GALNTL6: variants seen among roughly 807,000 people sequenced by gnomAD.
GALNTL6 encodes the protein polypeptide N-acetylgalactosaminyltransferase like 6, also known as polypeptide N-acetylgalactosaminyltransferase-like 6.
Under a neutral mutation model 73.7 loss-of-function variants are expected in GALNTL6, and 46 were observed. That is an observed-to-expected ratio of 0.62 (90% CI 0.49 to 0.80). GALNTL6 has a LOEUF of 0.80. GALNTL6 is among the 30% of genes least tolerant of loss of function. The probability of loss-of-function intolerance (pLI) is 0.00; values close to 1 mark genes in which losing one functional copy is unlikely to be tolerated. For synonymous variants in GALNTL6, 259 were observed against 263.7 expected (o/e 0.98, Z 0.17); for missense variants, 604 against 755.0 (o/e 0.80, Z 2.34).
intron 10 of GALNTL6, among the ~76,000 whole-genome samples, chr4:172,959,812 G>A (rs1749947503): frequency 6.6e-6 from 1 of 152,206 alleles, no homozygotes; most frequent in Admixed American, 6.5e-5. Context: ...TGGCCCAGTG[G>A]CCAGATATCC....
At chr4:172,355,412 A>C (rs1742115548) in intron 5 of GALNTL6, among the ~76,000 whole-genome samples, 1 of 152,110 alleles carries the variant, frequency 6.6e-6, no homozygotes, top group African/African-American at 2.4e-5. Context: ...CATGCATATA[A>C]GAATTTTGGA....
At chr4:172,145,937 G>A (rs1368226084) in intron 2 of GALNTL6, among the ~76,000 whole-genome samples, 1 of 152,138 alleles carries the variant, frequency 6.6e-6, no homozygotes, top group Non-Finnish European at 1.5e-5. Context: ...GTTGAACAAA[G>A]AGAGGCAATT....
chr4:172,795,930 T>C (rs1740236565), intron 5 of GALNTL6, among the ~76,000 whole-genome samples: 1 of 151,370 alleles, frequency 6.6e-6, no homozygotes, highest in South Asian at 2.1e-4. Context: ...TTATGACGTA[T>C]TTAAAATAAT....
chr4:172,164,872 G>T (rs1421000651), intron 2 of GALNTL6, among the ~76,000 whole-genome samples: 1 of 152,040 alleles, frequency 6.6e-6, no homozygotes, highest in Non-Finnish European at 1.5e-5. Flanking sequence ...AGGAAAAGAT[G>T]AAATACATAT....
At chr4:172,070,440 C>A in intron 2 of GALNTL6, among the ~76,000 whole-genome samples, 2 of 110,246 alleles carry the variant, frequency 1.8e-5, no homozygotes, top group Non-Finnish European at 4.0e-5. Flanking sequence ...CAGTTTTATC[C>A]TTATGAATGG....
At chr4:172,594,397 A>T (rs913630386) in intron 5 of GALNTL6, among the ~76,000 whole-genome samples, 3 of 152,152 alleles carry the variant, frequency 2.0e-5, no homozygotes, top group African/African-American at 4.8e-5. Context: ...ACCCATTTCT[A>T]TATCTTTCTC....
chr4:172,650,139 C>T lies in GALNTL6; in HGVS notation c.554-159222C>T, dbSNP rs190760829. ...GGCCCAATCCTCTTGGTCTTCATCC[C>T]AGGATCCTTTTGGGATGTCCATCTG... On this transcript the variant is annotated intron_variant, in intron 5 of 12. Transcript: ENST00000506823. 7.9e-5 allele frequency among the ~76,000 whole-genome samples: 12 copies of T among 152,280 alleles called. No homozygotes were observed. The East Asian group carries it at 2.3e-3, about 29-fold the overall frequency.
intron 2 of GALNTL6, among the ~76,000 whole-genome samples, chr4:172,219,364 A>G (rs1041400843): frequency 3.3e-5 from 5 of 151,492 alleles, no homozygotes; most frequent in Admixed American, 6.6e-5. Context: ...GATAAATGCT[A>G]TCTAGACTTT....
intron 8 of GALNTL6, among the ~76,000 whole-genome samples, chr4:172,910,604 C>T (rs893564480): frequency 6.6e-6 from 1 of 152,160 alleles, no homozygotes; most frequent in African/African-American, 2.4e-5. Context: ...TCTATATCTG[C>T]ATTCATGTGT....
intron 10 of GALNTL6, among the ~76,000 whole-genome samples, chr4:172,992,655 G>C (rs1318422173): frequency 6.6e-6 from 1 of 152,046 alleles, no homozygotes; most frequent in East Asian, 1.9e-4. Context: ...AAACAGTCTG[G>C]GTAGCACCAG....
chr4:172,264,443 A>G (rs1738363085), intron 3 of GALNTL6, among the ~76,000 whole-genome samples: 1 of 146,184 alleles, frequency 6.8e-6, no homozygotes, highest in Non-Finnish European at 1.5e-5. Flanking sequence ...GTAACATTTT[A>G]AATAAGGTTG....
In GALNTL6 at chr4:172,912,804, C is replaced by T. The variant is rs556949314; in HGVS notation, c.1042-18357C>T. On this transcript the variant is annotated intron_variant, in intron 8 of 12. Coordinates refer to ENST00000506823, the MANE Select transcript of GALNTL6 (RefSeq NM_001034845.3). ...GCTCTGGGGGCAGGGCATAGCTGAACAAAAGGCAGCAGAAACTTCTGCAGA... is the reference window on the plus strand; with the variant it reads ...GCTCTGGGGGCAGGGCATAGCTGAATAAAAGGCAGCAGAAACTTCTGCAGA... Among the ~76,000 whole-genome samples the T allele has an allele frequency of 7.9e-5, 12 of 152,302 alleles. No individual in the cohort carries two copies. The South Asian group carries it at 2.3e-3, about 29-fold the overall frequency.
chr4:172,756,700 T>G (rs992700764), intron 5 of GALNTL6, among the ~76,000 whole-genome samples: 1 of 152,102 alleles, frequency 6.6e-6, no homozygotes, highest in African/African-American at 2.4e-5. Flanking sequence ...TTATACAGAT[T>G]ATAAAATATT....
chr4:171,833,822 ATTTT>A (rs1403173462), intron 2 of GALNTL6, among the ~76,000 whole-genome samples: 1 of 151,794 alleles, frequency 6.6e-6, no homozygotes, highest in Non-Finnish European at 1.5e-5. Context: ...TTATATATAT[ATTTT>A]ATTTTTCCTA....
At chr4:172,236,892 T>C (rs1022512615) in intron 3 of GALNTL6, among the ~76,000 whole-genome samples, 1 of 152,156 alleles carries the variant, frequency 6.6e-6, no homozygotes, top group African/African-American at 2.4e-5. Flanking sequence ...CATGTAGGTC[T>C]TAGTGTCTGT....
intron 5 of GALNTL6, among the ~76,000 whole-genome samples, chr4:172,688,921 A>C (rs1370572): frequency 0.39 from 59,369 of 151,934 alleles, 12,589 homozygotes; most frequent in African/African-American, 0.54. Flanking sequence ...TCTCTGTGCA[A>C]GTATCAGTGT....
chr4:171,868,285 G>A (rs577995258), intron 2 of GALNTL6, among the ~76,000 whole-genome samples: 1 of 152,282 alleles, frequency 6.6e-6, no homozygotes, highest in South Asian at 2.1e-4. Flanking sequence ...TACCTCTGAA[G>A]TGCTTGCTGA....
chr4:172,784,939 A>AAGCTG (rs1277304629), intron 5 of GALNTL6, among the ~76,000 whole-genome samples: 2 of 152,164 alleles, frequency 1.3e-5, no homozygotes, highest in Non-Finnish European at 2.9e-5. Flanking sequence ...AAAGGAAGAC[A>AAGCTG]AGCTGAGCCA....
chr4:172,351,090 C>T (rs182594396), intron 5 of GALNTL6, among the ~76,000 whole-genome samples: 2 of 152,066 alleles, frequency 1.3e-5, no homozygotes, highest in Non-Finnish European at 2.9e-5. Context: ...TTTCTACTCA[C>T]CAAATACTCT....
Sources: allele counts gnomAD v4.1 joint callset (sites outside exome capture counted in the v4.1 genomes callset), GRCh38; gene constraint gnomAD v4.1.1; transcripts MANE v1.5; gene names NCBI Gene and HGNC (gene_info 2026-07-23, HGNC 2026-07-21).